The following CNTN5 variants were observed in gnomAD, a reference collection of about 807,000 sequenced individuals.
CNTN5 encodes contactin 5, also known as contactin-5.
Under a neutral mutation model 129.1 loss-of-function variants are expected in CNTN5, and 77 were observed. That is an observed-to-expected ratio of 0.60 (90% CI 0.50 to 0.72). The LOEUF (loss-of-function observed/expected upper bound fraction) is 0.72. Among genes scored for constraint, CNTN5 ranks in the 30% least tolerant of loss-of-function variants. The pLI, the probability that CNTN5 is intolerant of heterozygous loss-of-function variation, is 0.00. For synonymous variants in CNTN5, 509 were observed against 465.6 expected (o/e 1.09, Z -1.20); for missense variants, 1,478 against 1,328.8 (o/e 1.11, Z -1.75).
intron 1 of CNTN5, among the ~76,000 whole-genome samples, chr11:99,079,341 A>G (rs1337217583): frequency 1.3e-5 from 2 of 152,134 alleles, no homozygotes; most frequent in African/African-American, 2.4e-5. Context: ...TAGATAAACA[A>G]CACAGCAAAT....
At chr11:99,250,021 G>A (rs1027293236) in intron 1 of CNTN5, among the ~76,000 whole-genome samples, 1 of 151,852 alleles carries the variant, frequency 6.6e-6, no homozygotes, top group Admixed American at 6.6e-5. Flanking sequence ...GGGAATTTTG[G>A]GGTGAGAGCA....
chr11:99,526,453 G>T (rs1591219233), intron 2 of CNTN5, among the ~76,000 whole-genome samples: 1 of 152,312 alleles, frequency 6.6e-6, no homozygotes, highest in East Asian at 1.9e-4. Flanking sequence ...TTTACAAAGA[G>T]ATGAAATAGT....
chr11:99,894,633 G>C (rs1209234034), intron 6 of CNTN5, among the ~76,000 whole-genome samples: 1 of 151,364 alleles, frequency 6.6e-6, no homozygotes, highest in Non-Finnish European at 1.5e-5. Flanking sequence ...TAAATTTTGA[G>C]AACTAAATAT....
rs542260305 is a variant in CNTN5, at chr11:99,774,424, T to C, written c.56-45120T>C. Among the ~76,000 whole-genome samples the C allele has an allele frequency of 3.3e-5, 5 of 151,796 alleles. No homozygotes were observed. The South Asian group carries it at 1.0e-3, about 31-fold the overall frequency. Reference sequence around the variant, plus strand: ...CCCTTTTGTTTATAAAGTTTGTGTGTCTCATGAGATCTTAAAGATAGAAAC... The same window carrying C: ...CCCTTTTGTTTATAAAGTTTGTGTGCCTCATGAGATCTTAAAGATAGAAAC... On this transcript the variant is annotated intron_variant, in intron 3 of 24. Transcript: ENST00000524871.
chr11:99,275,189 T>C (rs1863368251), intron 1 of CNTN5, among the ~76,000 whole-genome samples: 2 of 150,922 alleles, frequency 1.3e-5, no homozygotes, highest in African/African-American at 2.4e-5. Flanking sequence ...GCCAAGTTCA[T>C]TGATATATAA....
At chr11:99,575,164 C>T (rs997539761) in intron 3 of CNTN5, among the ~76,000 whole-genome samples, 1 of 152,116 alleles carries the variant, frequency 6.6e-6, no homozygotes, top group Admixed American at 6.5e-5. Flanking sequence ...CCTTAAGTAT[C>T]TCAATTTTTG....
At chr11:100,009,727 G>C (rs140851886) in intron 9 of CNTN5, among the ~76,000 whole-genome samples, 1 of 152,260 alleles carries the variant, frequency 6.6e-6, no homozygotes, top group East Asian at 1.9e-4. Context: ...ATGCCCATTT[G>C]TCTTCTAATG....
At chr11:99,834,003 C>T (rs866795019) in intron 4 of CNTN5, among the ~76,000 whole-genome samples, 37 of 152,166 alleles carry the variant, frequency 2.4e-4, no homozygotes, top group African/African-American at 8.9e-4. Context: ...AGTGTCCTGA[C>T]AGGCATTTTT....
At chr11:100,106,769 A>C (rs970253904) in intron 13 of CNTN5, among the ~76,000 whole-genome samples, 9 of 152,166 alleles carry the variant, frequency 5.9e-5, no homozygotes, top group African/African-American at 2.2e-4. Flanking sequence ...TGGGGACAAG[A>C]AGAAATAATA....
intron 1 of CNTN5, among the ~76,000 whole-genome samples, chr11:99,180,932 G>A (rs917318031): frequency 6.6e-6 from 1 of 152,224 alleles, no homozygotes; most frequent in Non-Finnish European, 1.5e-5. Context: ...CATATCTAAT[G>A]CCATTCGATT....
chr11:99,755,989 C>A (rs1470534528), intron 3 of CNTN5, among the ~76,000 whole-genome samples: 1 of 152,004 alleles, frequency 6.6e-6, no homozygotes. Flanking sequence ...TATCCCTCCC[C>A]CATATATTAA....
chr11:100,171,355 G>A (rs1332070535), intron 13 of CNTN5, among the ~76,000 whole-genome samples: 1 of 151,950 alleles, frequency 6.6e-6, no homozygotes, highest in Admixed American at 6.6e-5. Flanking sequence ...ATGAGATTTA[G>A]ATATTTATGC....
At chr11:99,741,278 A>T (rs891203926) in intron 3 of CNTN5, among the ~76,000 whole-genome samples, 4 of 152,140 alleles carry the variant, frequency 2.6e-5, no homozygotes, top group African/African-American at 9.7e-5. Context: ...TTAACATTGA[A>T]TGGTAATGTT....
chr11:99,732,644 A>G (rs1048309827), intron 3 of CNTN5, among the ~76,000 whole-genome samples: 26 of 152,224 alleles, frequency 1.7e-4, no homozygotes, highest in African/African-American at 6.3e-4. Flanking sequence ...CCATTTGCAT[A>G]GAGTGCTTCA....
chr11:99,523,669 C>CAGAAT (rs1565258738), intron 2 of CNTN5, among the ~76,000 whole-genome samples: 18 of 28,346 alleles, frequency 6.4e-4, no homozygotes, highest in African/African-American at 2.8e-3. Context: ...CAGATCAGAA[C>CAGAAT]AGAACAGAAC....
intron 2 of CNTN5, among the ~76,000 whole-genome samples, chr11:99,422,445 G>A (rs1248861334): frequency 6.8e-6 from 1 of 146,472 alleles, no homozygotes; most frequent in Non-Finnish European, 1.5e-5. Context: ...ACAAAATAAA[G>A]AAAATGTATG....
chr11:99,141,487 A>G (rs1050255834), intron 1 of CNTN5, among the ~76,000 whole-genome samples: 5 of 151,520 alleles, frequency 3.3e-5, no homozygotes, highest in Admixed American at 3.3e-4. Context: ...GATCTTTTGT[A>G]TGTTTTCTTA....
At chr11:99,442,824 C>T (rs1233336201) in intron 2 of CNTN5, among the ~76,000 whole-genome samples, 3 of 152,054 alleles carry the variant, frequency 2.0e-5, no homozygotes, top group East Asian at 1.9e-4. Flanking sequence ...AGTCTGTGAA[C>T]GAAGTGATAC....
intron 3 of CNTN5, among the ~76,000 whole-genome samples, chr11:99,591,793 G>A (rs1949990121): frequency 6.6e-6 from 1 of 152,092 alleles, no homozygotes; most frequent in South Asian, 2.1e-4. Flanking sequence ...AAAGGGGAGA[G>A]TAAGAAAAAT....
Sources: allele counts gnomAD v4.1 joint callset (sites outside exome capture counted in the v4.1 genomes callset), GRCh38; gene constraint gnomAD v4.1.1; transcripts MANE v1.5; gene names NCBI Gene and HGNC (gene_info 2026-07-23, HGNC 2026-07-21).